KPNA2: variants seen among roughly 807,000 people sequenced by gnomAD.
KPNA2 encodes the protein importin subunit alpha-1.
KPNA2 carries 20 observed loss-of-function variants against 53.7 expected under a neutral mutation model. The observed-to-expected ratio is 0.37, with a 90% confidence interval of 0.26 to 0.54. The LOEUF is 0.54. KPNA2 is among the 20% of genes least tolerant of loss of function. The pLI is 0.83. For missense variants in KPNA2, 515 were observed against 640.3 expected (o/e 0.80, Z 2.11); for synonymous variants, 238 against 227.5 (o/e 1.05, Z -0.42).
intron 5 of KPNA2, 37 bp from the exon 6 acceptor site, chr17:68,042,863 CAAAAA>C (rs76104168): frequency 2.1e-4 from 241 of 1,126,520 alleles, no homozygotes; most frequent in Non-Finnish European, 2.4e-4. Flanking sequence ...AACTCCGTCT[CAAAAA>C]AAAAAAAAAA....
chr17:68,045,475 A>G (rs1426846649), intron 9 of KPNA2: 1 of 259,800 alleles, frequency 3.8e-6, no homozygotes, highest in African/African-American at 2.2e-5. Flanking sequence ...GTTGAACTGG[A>G]ATGTAGTGTT....
Position 68,045,893 on chromosome 17 carries a change from G to T in KPNA2, c.1469G>T (p.Ser490Ile). The part of the protein sequence containing the change: ...ENESVYKASL[S>I]LIEKYFSVEE... ...GAGTCTGTGTATAAGGCTTCGTTAA[G>T]CTTAATTGAGAAGTATTTCTCTGTA... The change falls in exon 10 of 11, where the codon AGC becomes ATC. Residue 490 changes from serine to isoleucine, a missense_variant. Physicochemically the swap from Ser to Ile is moderately radical, Grantham distance 142. Coordinates refer to ENST00000330459, the MANE Select transcript of KPNA2 (RefSeq NM_002266.4). The T allele has an allele frequency of 6.3e-7, 1 of 1,591,784 alleles. No homozygotes were observed. The highest frequency in any genetic ancestry group is 8.6e-7 in the Non-Finnish European group (1 of 1,168,794).
At chr17:68,041,935 CTT>C in intron 4 of KPNA2, 148 bp from the exon 5 acceptor site, 1 of 669,306 alleles carries the variant, frequency 1.5e-6, no homozygotes, top group Non-Finnish European at 2.5e-6. Context: ...TTCAGCTTCT[CTT>C]AGGTTCCAGA....
chr17:68,036,212 C>T (rs1286387499), intron 1 of KPNA2: 4 of 152,166 alleles, frequency 2.6e-5, no homozygotes, highest in African/African-American at 9.7e-5. Context: ...TTGGGAGCAC[C>T]GTCTCTGACA....
chr17:68,037,004 A>G (rs1555703820), intron 1 of KPNA2, 106 bp from the exon 2 acceptor site: 12 of 779,608 alleles, frequency 1.5e-5, no homozygotes, highest in Non-Finnish European at 2.3e-5. Context: ...CCTCTAGTAT[A>G]CAGGTGTGGA....
At chr17:68,036,182 G>A (rs7214119) in intron 1 of KPNA2, 31,059 of 152,330 alleles carry the variant, frequency 0.2, 4,149 homozygotes, top group East Asian at 0.67. Context: ...CGGCGTGGGG[G>A]CAGGGGCTGG....
rs2071304606 is a variant in KPNA2, at chr17:68,044,420, A to G, written c.1264A>G (p.Ile422Val). ...QIVYLVHCGI[I>V]EPLMNLLTAK... ...TGTGTACCTTGTTCACTGTGGCATA[A>G]TAGAACCGTTGATGAACCTCTTAAC... Residue 422 changes from isoleucine (I) to valine (V), a missense_variant, in exon 9 of 11, where the codon ATA becomes GTA. Physicochemically the swap from Ile to Val is conservative, Grantham distance 29. Transcript: ENST00000330459. 6.2e-7 allele frequency: 1 copy of G among 1,614,078 alleles called. No homozygotes were observed. The highest frequency in any genetic ancestry group is 8.5e-7 in the Non-Finnish European group (1 of 1,179,896).
chr17:68,040,260 A>AT (rs782418464), intron 3 of KPNA2, among the ~76,000 whole-genome samples: 9,728 of 117,944 alleles, frequency 0.082, 622 homozygotes, highest in African/African-American at 0.19. Context: ...ATGCCTGGAT[A>AT]TTTTTTTTTT....
intron 3 of KPNA2, among the ~76,000 whole-genome samples, chr17:68,039,918 CAAA>C (rs782243176): frequency 7.2e-6 from 1 of 138,250 alleles, no homozygotes; most frequent in Non-Finnish European, 1.6e-5. Context: ...ACTAAAAATA[CAAA>C]AAAAAAAAAT....
chr17:68,045,111 T>G (rs2071312981), intron 9 of KPNA2, among the ~76,000 whole-genome samples: 1 of 148,224 alleles, frequency 6.7e-6, no homozygotes, highest in African/African-American at 2.5e-5. Context: ...AAAAAAAAAG[T>G]TGAGCCTTCA....
rs782245602 is a variant in KPNA2 at position 68,043,178 on chromosome 17, G to A, written c.745G>A (p.Val249Ile). The A allele has an allele frequency of 1.7e-5, 27 of 1,613,986 alleles. No individual in the cohort carries two copies. Among genetic ancestry groups the A allele is most frequent in the Non-Finnish European group, 2.2e-5 (26 of 1,180,020 alleles). Residue 249 changes from valine (V) to isoleucine (I), a missense_variant, in exon 7 of 11, where the codon GTT (valine) becomes ATT (isoleucine). By Grantham distance (29) the Val-to-Ile change is conservative. Coordinates refer to ENST00000330459, the MANE Select transcript of KPNA2 (RefSeq NM_002266.4). ...GAATCCTGCACCCCCGATAGATGCTGTTGAGCAGATTCTTCCTACCTTAGT... is the reference window on the plus strand; with the variant it reads ...GAATCCTGCACCCCCGATAGATGCTATTGAGCAGATTCTTCCTACCTTAGT... Reference protein sequence around the residue: ...NKNPAPPIDAVEQILPTLVRL... With the variant: ...NKNPAPPIDAIEQILPTLVRL...
Position 68,042,975 on chromosome 17 carries a change from A to G in KPNA2, c.642A>G (p.Ala214=), listed in dbSNP as rs2071279519. 2 of 1,613,560 alleles carry G rather than the reference A, an allele frequency of 1.2e-6. No homozygotes were observed. The highest frequency in any genetic ancestry group is 1.3e-5 in the African/African-American group (1 of 74,926). ...GAVDPLLALL[A]VPDMSSLACG... ...TTGACCCACTGTTGGCTCTCCTTGC[A>G]GTTCCTGATATGTCATCTTTAGCAG... Residue 214 remains alanine, a synonymous_variant, in exon 6 of 11, where the codon GCA becomes GCG. Transcript: ENST00000330459.
rs781968749 is a variant in KPNA2, at chr17:68,043,993, C to G, written c.1086C>G (p.Ile362Met). Residue 362 changes from isoleucine (I) to methionine (M), a missense_variant, in exon 8 of 11, where the codon ATC becomes ATG. Transcript: ENST00000330459. Reference sequence around the variant, plus strand: ...AAGCTACGTGGACAATGTCAAACATCACAGCCGGCCGCCAGGACCAGATAC... The same window carrying G: ...AAGCTACGTGGACAATGTCAAACATGACAGCCGGCCGCCAGGACCAGATAC... ...QKEATWTMSN[I>M]TAGRQDQIQQ... 2 of 1,613,988 alleles carry G rather than the reference C, an allele frequency of 1.2e-6. No individual in the cohort carries two copies. Among genetic ancestry groups the G allele is most frequent in the South Asian group, 2.2e-5 (2 of 91,074 alleles).
chr17:68,040,616 G>GT (rs2071248296), intron 3 of KPNA2, 62 bp from the exon 4 acceptor site: 2 of 1,111,664 alleles, frequency 1.8e-6, no homozygotes, highest in South Asian at 2.6e-5. Flanking sequence ...ACAAGTAAGT[G>GT]TGGATTTTAT....
chr17:68,043,592 A>C (rs1555704960), intron 7 of KPNA2, among the ~76,000 whole-genome samples: 1 of 151,774 alleles, frequency 6.6e-6, no homozygotes, highest in Non-Finnish European at 1.5e-5. Flanking sequence ...TGTAATCTCA[A>C]CTACTCGGGA....
intron 3 of KPNA2, among the ~76,000 whole-genome samples, chr17:68,038,222 G>A (rs550103232): frequency 4.6e-5 from 7 of 152,228 alleles, no homozygotes; most frequent in South Asian, 4.1e-4. Context: ...TGATCCACCC[G>A]CCTCAGCCTC....
chr17:68,042,829 A>G (rs1237646276), intron 5 of KPNA2, 76 bp from the exon 6 acceptor site: 2 of 1,127,948 alleles, frequency 1.8e-6, no homozygotes, highest in African/African-American at 3.2e-5. Context: ...GCGCCACTGC[A>G]CTCCAGCCTG....
At chr17:68,042,671 A>G (rs929197702) in intron 5 of KPNA2, among the ~76,000 whole-genome samples, 4 of 152,036 alleles carry the variant, frequency 2.6e-5, no homozygotes, top group Admixed American at 6.5e-5. Flanking sequence ...TCATGAGGTC[A>G]GGAGATTGAG....
intron 3 of KPNA2, among the ~76,000 whole-genome samples, chr17:68,038,050 C>T (rs2071211326): frequency 6.6e-6 from 1 of 152,170 alleles, no homozygotes; most frequent in East Asian, 1.9e-4. Flanking sequence ...GATCTCCGCT[C>T]ACTGCAAGCT....
Sources: gnomAD v4.1 joint callset for allele counts (sites outside exome capture counted in the v4.1 genomes callset) on GRCh38, gnomAD v4.1.1 for gene constraint, MANE v1.5 for transcripts, NCBI Gene and HGNC (gene_info 2026-07-23, HGNC 2026-07-21) for gene names.